Variants in RAB38 observed in about 807,000 individuals in gnomAD.
The protein encoded by RAB38 is ras-related protein Rab-38.
A neutral mutation model predicts 18.4 loss-of-function variants in RAB38; 15 were observed. That is an observed-to-expected ratio of 0.82 (90% CI 0.55 to 1.26). The LOEUF (loss-of-function observed/expected upper bound fraction) is 1.26. Among genes scored for constraint, RAB38 ranks in the 50% most tolerant of loss-of-function variants. The pLI is 0.00. For synonymous variants in RAB38, 101 were observed against 104.4 expected, an observed-to-expected ratio of 0.97 and a Z score of 0.20; for missense variants, 294 against 267.4, an observed-to-expected ratio of 1.10 and a Z score of -0.69.
chr11:87,864,446 T>C, the RAB38 span, among the ~76,000 whole-genome samples: 1 of 151,558 alleles, frequency 6.6e-6, no homozygotes, highest in East Asian at 1.9e-4. Context: ...TTTTACCTCA[T>C]AATTTACATA....
the RAB38 span, among the ~76,000 whole-genome samples, chr11:88,060,753 C>G: frequency 7.9e-3 from 1,197 of 152,284 alleles, 12 homozygotes; most frequent in African/African-American, 0.028. Context: ...AGCACCACCC[C>G]CAGTTGTAAC....
At chr11:88,093,644 G>A in the RAB38 span, among the ~76,000 whole-genome samples, 1 of 151,720 alleles carries the variant, frequency 6.6e-6, no homozygotes, top group Non-Finnish European at 1.5e-5. Context: ...CCACACTACA[G>A]CCAGAAAGGG....
intron 1 of RAB38, among the ~76,000 whole-genome samples, chr11:88,153,579 C>A (rs1014927925): frequency 1.3e-5 from 2 of 152,154 alleles, no homozygotes; most frequent in Non-Finnish European, 2.9e-5. Flanking sequence ...TATCTAGGCT[C>A]TCATCAATGT....
the RAB38 span, among the ~76,000 whole-genome samples, chr11:87,962,577 C>G: frequency 6.6e-6 from 1 of 152,100 alleles, no homozygotes; most frequent in Admixed American, 6.6e-5. Flanking sequence ...GATATATCCT[C>G]AGTTTCTCTC....
At chr11:88,134,301 C>T (rs570432664) in intron 2 of RAB38, among the ~76,000 whole-genome samples, 6 of 152,208 alleles carry the variant, frequency 3.9e-5, no homozygotes, top group African/African-American at 1.2e-4. Flanking sequence ...AGTACAGTGG[C>T]GCAATCTAGG....
chr11:88,027,189 CTT>C, the RAB38 span, among the ~76,000 whole-genome samples: 1 of 152,018 alleles, frequency 6.6e-6, no homozygotes, highest in Middle Eastern at 3.4e-3. Context: ...TGCATATTAA[CTT>C]TTGTCAAAGT....
the RAB38 span, among the ~76,000 whole-genome samples, chr11:88,053,133 T>C: frequency 7.6e-6 from 1 of 131,474 alleles, no homozygotes; most frequent in African/African-American, 2.8e-5. Context: ...ATATATTATA[T>C]ATACAATATA....
the RAB38 span, among the ~76,000 whole-genome samples, chr11:87,804,196 A>T: frequency 6.6e-6 from 1 of 152,202 alleles, no homozygotes; most frequent in Non-Finnish European, 1.5e-5. Context: ...AAATAGTCTA[A>T]TTGAGGGGTT....
the RAB38 span, among the ~76,000 whole-genome samples, chr11:87,896,097 A>G: frequency 6.6e-6 from 1 of 151,752 alleles, no homozygotes; most frequent in South Asian, 2.1e-4. Flanking sequence ...AGATACAGCA[A>G]TGTATAAGAG....
the RAB38 span, among the ~76,000 whole-genome samples, chr11:87,930,503 C>T: frequency 6.6e-6 from 1 of 152,114 alleles, no homozygotes; most frequent in African/African-American, 2.4e-5. Flanking sequence ...AATTTTCTCC[C>T]ATTCTCTAGG....
chr11:88,091,507 A>C, the RAB38 span, among the ~76,000 whole-genome samples: 10 of 151,890 alleles, frequency 6.6e-5, no homozygotes, highest in Non-Finnish European at 1.0e-4. Flanking sequence ...CCATCTCTCC[A>C]TCTCGCCATC....
chr11:88,100,222 C>T, the RAB38 span: 33 of 151,882 alleles, frequency 2.2e-4, no homozygotes, highest in Non-Finnish European at 4.3e-4. Flanking sequence ...AAAAGTCACC[C>T]CCGCCTGTTA....
At chr11:87,902,836 TTATATG>T in the RAB38 span, among the ~76,000 whole-genome samples, 1 of 150,808 alleles carries the variant, frequency 6.6e-6, no homozygotes, top group Non-Finnish European at 1.5e-5. Context: ...TTAGATAGAT[TTATATG>T]TATATTTTAT....
At chr11:87,915,248 A>G in the RAB38 span, among the ~76,000 whole-genome samples, 5 of 152,102 alleles carry the variant, frequency 3.3e-5, no homozygotes, top group African/African-American at 2.4e-5. Context: ...AATAGGGTAA[A>G]ATAAGGCTGA....
chr11:87,854,919 C>T, the RAB38 span, among the ~76,000 whole-genome samples: 4 of 152,148 alleles, frequency 2.6e-5, no homozygotes, highest in East Asian at 1.9e-4. Flanking sequence ...CTCAGCCTCC[C>T]GAGTAGCTGG....
At chr11:88,063,671 G>A in the RAB38 span, among the ~76,000 whole-genome samples, 1 of 152,140 alleles carries the variant, frequency 6.6e-6, no homozygotes, top group Non-Finnish European at 1.5e-5. Context: ...AATCATGGGG[G>A]CGGTTTCACC....
intron 2 of RAB38, among the ~76,000 whole-genome samples, chr11:88,123,527 C>A (rs533261631): frequency 1.3e-5 from 2 of 152,272 alleles, no homozygotes; most frequent in South Asian, 4.1e-4. Flanking sequence ...TGATACCATT[C>A]TTTTAGGTGA....
chr11:87,977,963 AAG>A, the RAB38 span, among the ~76,000 whole-genome samples: 1 of 113,086 alleles, frequency 8.8e-6, no homozygotes, highest in Non-Finnish European at 1.7e-5. Flanking sequence ...ATATATAAAT[AAG>A]ATATATTATA....
chr11:87,881,513 C>T, the RAB38 span, among the ~76,000 whole-genome samples: 4 of 151,916 alleles, frequency 2.6e-5, no homozygotes, highest in South Asian at 8.3e-4. Context: ...ACATAGTGAT[C>T]TGTTATTTTC....
Sources: allele counts gnomAD v4.1 joint callset (sites outside exome capture counted in the v4.1 genomes callset), GRCh38; gene constraint gnomAD v4.1.1; transcripts MANE v1.5; gene names NCBI Gene and HGNC (gene_info 2026-07-23, HGNC 2026-07-21).